DSTN: variants seen among roughly 807,000 people sequenced by gnomAD.
The protein encoded by DSTN is destrin.
A neutral mutation model predicts 16.8 loss-of-function variants in DSTN; 10 were observed. The ratio of observed to expected loss-of-function variants is 0.60; its 90% confidence interval spans 0.37 to 1.01. DSTN has a LOEUF of 1.01. DSTN is among the 50% of genes least tolerant of loss of function. The probability of loss-of-function intolerance (pLI) is 0.01; values close to 1 mark genes in which losing one functional copy is unlikely to be tolerated. For synonymous variants in DSTN, 57 were observed against 58.9 expected (o/e 0.97, Z 0.14); for missense variants, 141 against 196.7 (o/e 0.72, Z 1.69).
rs753616484 is a variant in DSTN at position 17,607,875 on chromosome 20, T to C, written c.*729T>C. 1 of 152,218 alleles carries C rather than the reference T, an allele frequency of 6.6e-6. No homozygotes were observed. Among genetic ancestry groups the C allele is most frequent in the Non-Finnish European group, 1.5e-5 (1 of 68,034 alleles). 9.4% of individuals were successfully genotyped at this position (152,218 alleles called of 1,614,324 possible). A position where few individuals can be genotyped will look rare whatever the true frequency, so the allele number is the denominator to read the frequency against. On this transcript the variant is annotated 3_prime_UTR_variant, in exon 4 of 4. Transcript: ENST00000246069. ...AATTATAATGCAAATTAGGGCTACA[T>C]TGTAATCTGCTTTGTTAATGAAAAT...
chr20:17,600,017 T>C (rs2035569358), intron 1 of DSTN, among the ~76,000 whole-genome samples: 1 of 152,238 alleles, frequency 6.6e-6, no homozygotes, highest in Non-Finnish European at 1.5e-5. Context: ...TGGTTTAAGA[T>C]CTTGTGCTAT....
chr20:17,578,367 A>T (rs2035302558), intron 1 of DSTN, among the ~76,000 whole-genome samples: 2 of 152,152 alleles, frequency 1.3e-5, no homozygotes, highest in South Asian at 4.1e-4. Context: ...TAATTTTTAT[A>T]CCTTCTATTC....
chr20:17,583,139 C>T (rs375748726), intron 1 of DSTN, among the ~76,000 whole-genome samples: 38 of 152,068 alleles, frequency 2.5e-4, no homozygotes, highest in Admixed American at 7.9e-4. Flanking sequence ...AGATCAAAAC[C>T]GCAAATACTG....
In DSTN at chr20:17,607,505, ATT is replaced by A. The variant is rs2035654671; in HGVS notation, c.*360_*361del. On this transcript the variant is annotated 3_prime_UTR_variant, in exon 4 of 4. Transcript: ENST00000246069. ...TTACTTTGTTTCTTTTGCTTAGGAAATTGCTCATAATCTGGTTATAATTTTGG... is the reference window on the plus strand; with the variant it reads ...TTACTTTGTTTCTTTTGCTTAGGAAAGCTCATAATCTGGTTATAATTTTGG... 5.6e-6 allele frequency: 1 copy of A among 177,816 alleles called. No homozygotes were observed. Among genetic ancestry groups the A allele is most frequent in the African/African-American group, 2.4e-5 (1 of 42,352 alleles). The allele number at this position is 177,816 out of a possible 1,614,324, so 11.0% of individuals were successfully genotyped here.
intron 2 of DSTN, among the ~76,000 whole-genome samples, chr20:17,602,364 T>C (rs1233629217): frequency 6.6e-6 from 1 of 152,240 alleles, no homozygotes; most frequent in Non-Finnish European, 1.5e-5. Flanking sequence ...GTCCTTCCTC[T>C]TCTGGCATTC....
At chr20:17,586,633 G>A (rs2035411795) in intron 1 of DSTN, among the ~76,000 whole-genome samples, 1 of 152,146 alleles carries the variant, frequency 6.6e-6, no homozygotes, top group Non-Finnish European at 1.5e-5. Flanking sequence ...GGAAATTACT[G>A]TTTCAAATCA....
At chr20:17,597,040 A>G (rs946922967) in intron 1 of DSTN, among the ~76,000 whole-genome samples, 2 of 152,138 alleles carry the variant, frequency 1.3e-5, no homozygotes, top group Non-Finnish European at 2.9e-5. Context: ...TGGACTAGGG[A>G]GTTAGAGGGA....
intron 1 of DSTN, among the ~76,000 whole-genome samples, chr20:17,590,753 A>T (rs2035460610): frequency 6.6e-6 from 1 of 152,202 alleles, no homozygotes; most frequent in African/African-American, 2.4e-5. Flanking sequence ...TTGCTTTTTT[A>T]AAAATAAAGT....
At chr20:17,597,416 T>C (rs2122199473) in intron 1 of DSTN, among the ~76,000 whole-genome samples, 1 of 152,346 alleles carries the variant, frequency 6.6e-6, no homozygotes, top group East Asian at 1.9e-4. Flanking sequence ...GATCTTAGTG[T>C]ATCTTTCTCC....
At chr20:17,592,907 T>C (rs953343978) in intron 1 of DSTN, among the ~76,000 whole-genome samples, 1 of 152,234 alleles carries the variant, frequency 6.6e-6, no homozygotes, top group African/African-American at 2.4e-5. Flanking sequence ...CCTTGGTTGC[T>C]GAATTAGCCT....
At chr20:17,573,665 C>G (rs1378818562) in intron 1 of DSTN, among the ~76,000 whole-genome samples, 1 of 152,080 alleles carries the variant, frequency 6.6e-6, no homozygotes, top group Non-Finnish European at 1.5e-5. Context: ...TCTACATTGC[C>G]TTTCACCACT....
intron 3 of DSTN, among the ~76,000 whole-genome samples, chr20:17,606,411 ATG>A (rs1399293030): frequency 1.3e-5 from 2 of 152,240 alleles, no homozygotes; most frequent in Non-Finnish European, 2.9e-5. Context: ...GATTTCATAA[ATG>A]TGTAGTGTAA....
intron 1 of DSTN, among the ~76,000 whole-genome samples, chr20:17,570,571 G>A (rs958654606): frequency 6.6e-6 from 1 of 152,038 alleles, no homozygotes; most frequent in Admixed American, 6.5e-5. Flanking sequence ...TGCACACCGA[G>A]GCCGGGGAGT....
At position 17,600,504 on chromosome 20, in the gene DSTN, A is replaced by G. The variant is rs2035574679; in HGVS notation, c.4-234A>G. ...GTTCTAGGGTAGGAGAGGCTGCTATAGTTGAATGTTTCCTTACCCCTGTGC... is the reference window on the plus strand; with the variant it reads ...GTTCTAGGGTAGGAGAGGCTGCTATGGTTGAATGTTTCCTTACCCCTGTGC... On this transcript the variant is annotated intron_variant, in intron 1 of 3. Coordinates refer to ENST00000246069, the MANE Select transcript of DSTN (RefSeq NM_006870.4). 2.0e-5 allele frequency among the ~76,000 whole-genome samples: 3 copies of G among 152,202 alleles called. No individual in the cohort carries two copies. The South Asian group carries it at 6.2e-4, about 32-fold the overall frequency.
At chr20:17,572,247 G>A (rs1350004872) in intron 1 of DSTN, among the ~76,000 whole-genome samples, 1 of 152,218 alleles carries the variant, frequency 6.6e-6, no homozygotes, top group Admixed American at 6.5e-5. Context: ...GCTTCAGGAT[G>A]AGATTAGATG....
At chr20:17,585,798 ATAGTTT>A (rs1164610847) in intron 1 of DSTN, among the ~76,000 whole-genome samples, 2 of 152,088 alleles carry the variant, frequency 1.3e-5, no homozygotes, top group Non-Finnish European at 2.9e-5. Context: ...TTTTGTCTCT[ATAGTTT>A]TACCTTTGCC....
At chr20:17,591,686 C>T (rs2035471101) in intron 1 of DSTN, among the ~76,000 whole-genome samples, 1 of 152,176 alleles carries the variant, frequency 6.6e-6, no homozygotes, top group Non-Finnish European at 1.5e-5. Context: ...CAGGTGATTC[C>T]TGTGCACATT....
At chr20:17,584,968 T>C (rs998195862) in intron 1 of DSTN, among the ~76,000 whole-genome samples, 3 of 152,242 alleles carry the variant, frequency 2.0e-5, no homozygotes, top group African/African-American at 4.8e-5. Flanking sequence ...TTTATTTCTT[T>C]GGGCTGTCTG....
chr20:17,598,945 T>C (rs1490277160), intron 1 of DSTN, among the ~76,000 whole-genome samples: 1 of 152,158 alleles, frequency 6.6e-6, no homozygotes, highest in Non-Finnish European at 1.5e-5. Flanking sequence ...ATTGACCATA[T>C]GACCCAACAA....
Sources: gnomAD v4.1 joint callset for allele counts (sites outside exome capture counted in the v4.1 genomes callset) on GRCh38, gnomAD v4.1.1 for gene constraint, MANE v1.5 for transcripts, NCBI Gene and HGNC (gene_info 2026-07-23, HGNC 2026-07-21) for gene names.